Variants in GGT1 observed in about 807,000 individuals in gnomAD.
The protein encoded by GGT1 is gamma-glutamyltransferase 1, also known as glutathione hydrolase 1 proenzyme.
GGT1 carries 21 observed loss-of-function variants against 56.0 expected under a neutral mutation model. The ratio of observed to expected loss-of-function variants is 0.38; its 90% CI spans 0.27 to 0.54. The LOEUF (loss-of-function observed/expected upper bound fraction) is 0.54. Ranked by LOEUF, GGT1 falls within the 20% of genes least tolerant of loss-of-function variation. The probability of loss-of-function intolerance (pLI) is 0.82; values close to 1 mark genes in which losing one functional copy is unlikely to be tolerated. For missense variants in GGT1, 466 were observed against 787.0 expected (o/e 0.59, Z 4.88); for synonymous variants, 238 against 342.6 (o/e 0.69, Z 3.37).
In GGT1 at chr22:24,624,248, G is replaced by C. The variant is rs574767389; in HGVS notation, c.1020+332G>C. 4.4e-4 allele frequency: 426 copies of C among 965,484 alleles called. 1 individual carries two copies. Among genetic ancestry groups the C allele is most frequent in the Non-Finnish European group, 5.1e-4 (418 of 813,336 alleles). The allele number at this position is 965,484 out of a possible 1,614,324, so 59.8% of individuals were successfully genotyped here. ...CATGGTGAGATGGATGGGTGAAAGG[G>C]AGAGGGCCAGGTGAACAGAGACCTT... is the stretch of plus-strand genomic sequence containing the variant. On this transcript the variant is annotated intron_variant, in intron 11 of 15. Transcript: ENST00000400382.
At chr22:24,584,706 T>C in the GGT1 span, among the ~76,000 whole-genome samples, 4 of 151,874 alleles carry the variant, frequency 2.6e-5, no homozygotes, top group African/African-American at 9.7e-5. Flanking sequence ...GAGTCTTTCC[T>C]CATCTAGCAG....
intron 11 of GGT1, 50 bp from the exon 12 acceptor site, chr22:24,627,377 CCCCCT>C: frequency 1.2e-6 from 1 of 812,778 alleles, no homozygotes; most frequent in Non-Finnish European, 2.0e-6. Context: ...GAGACCTGTG[CCCCCT>C]CCCCACCCTC....
intron 7 of GGT1, among the ~76,000 whole-genome samples, chr22:24,616,699 C>A (rs544971497): frequency 2.0e-5 from 3 of 151,732 alleles, no homozygotes; most frequent in Non-Finnish European, 4.4e-5. Context: ...CGCCTGCCAC[C>A]ACGCCCAGCT....
upstream of GGT1, among the ~76,000 whole-genome samples, chr22:24,594,134 G>A (rs544166194): frequency 9.0e-4 from 137 of 152,312 alleles, 1 homozygote; most frequent in Non-Finnish European, 1.3e-3. Context: ...AGCTCAAGGT[G>A]TATCCCACTT....
Position 24,605,906 on chromosome 22 carries a change from ATAT to A in GGT1, c.-428-2044_-428-2042del, listed in dbSNP as rs1190304868. ...TATGATGTGTATTATATATTATATA[ATAT>A]TATATGATGTGTATTATATATTATA... On this transcript the variant is annotated intron_variant, in intron 1 of 15. Coordinates refer to ENST00000400382, the MANE Select transcript of GGT1 (RefSeq NM_001288833.2). Among the ~76,000 whole-genome samples the A allele has an allele frequency of 6.3e-4, 52 of 82,486 alleles. 7 individuals are homozygous for A. Among genetic ancestry groups the A allele is most frequent in the South Asian group, 9.5e-4 (3 of 3,152 alleles). 54.1% of individuals were successfully genotyped at this position (82,486 alleles called of 152,430 possible).
rs761335066 is a variant in GGT1 at position 24,628,085 on chromosome 22, G to A, written c.1341G>A (p.Lys447=). The stretch of plus-strand genomic sequence containing the variant: ...GTCTTCTCCCATCGGCCGCAGGGAA[G>A]CAGCCGCTCTCGTCCATGTGCCCGA... ...PSPANFIQPG[K]QPLSSMCPTI... Residue 447 remains lysine, a synonymous_variant, in exon 14 of 16, where the codon AAG becomes AAA. Transcript: ENST00000400382. This position sits in a 1 kb window ranked among gnomAD's most constrained non-coding sequence, Gnocchi z 5.7. The A allele has an allele frequency of 1.9e-6, 3 of 1,611,908 alleles. No individual in the cohort carries two copies. Among genetic ancestry groups the A allele is most frequent in the East Asian group, 4.5e-5 (2 of 44,864 alleles).
the GGT1 span, chr22:24,589,810 G>T: frequency 4.4e-6 from 7 of 1,609,082 alleles, no homozygotes; most frequent in South Asian, 6.7e-5. Context: ...GCCCGTGCCT[G>T]CCAGCCTCAC....
chr22:24,593,858 A>G (rs1025387299), upstream of GGT1, among the ~76,000 whole-genome samples: 3 of 151,908 alleles, frequency 2.0e-5, no homozygotes, highest in Non-Finnish European at 4.4e-5. Context: ...CTCACGCTAC[A>G]TGGACACTCC....
At chr22:24,592,895 G>T (rs1362022895), upstream of GGT1, 9 of 1,280,460 alleles carry the variant, frequency 7.0e-6, no homozygotes, top group Non-Finnish European at 7.9e-6. Context: ...TGCCGGGCGC[G>T]CTCCGGCCGC....
the GGT1 span, among the ~76,000 whole-genome samples, chr22:24,584,841 T>C: frequency 6.6e-6 from 1 of 151,968 alleles, no homozygotes; most frequent in East Asian, 1.9e-4. Context: ...CTGGTTGGGC[T>C]GAACTGTAAC....
intron 1 of GGT1, among the ~76,000 whole-genome samples, chr22:24,606,526 T>C (rs1234174873): frequency 6.6e-6 from 1 of 152,240 alleles, no homozygotes; most frequent in Non-Finnish European, 1.5e-5. Flanking sequence ...CCCCTGATGT[T>C]CCTGTTGGCT....
chr22:24,627,462 G>T lies in GGT1; in HGVS notation c.1051G>T (p.Ala351Ser), dbSNP rs754122506. 6.2e-7 allele frequency: 1 copy of T among 1,607,578 alleles called. No homozygotes were observed. The highest frequency in any genetic ancestry group is 1.4e-5 in the African/African-American group (1 of 74,026). The change falls in exon 12 of 16, where the codon GCT (alanine) becomes TCT (serine). Residue 351 changes from alanine (A) to serine (S), a missense_variant. Coordinates refer to ENST00000400382, the MANE Select transcript of GGT1 (RefSeq NM_001288833.2). ...VVRNMTSEFF[A>S]AQLRAQISDD... Reference sequence around the variant, plus strand: ...CCGCAACATGACCTCCGAGTTCTTCGCTGCCCAGCTCCGGGCCCAGATCTC... The same window carrying T: ...CCGCAACATGACCTCCGAGTTCTTCTCTGCCCAGCTCCGGGCCCAGATCTC...
Position 24,615,037 on chromosome 22 carries a change from C to G in GGT1, c.296-4C>G. ...CGGGCCTGCCTACCTGCTTCTCCTT[C>G]TAGGAAAAGCTGAGGTCATCAACGC... On this transcript the variant is annotated splice_region_variant and splice_polypyrimidine_tract_variant and intron_variant, in intron 6 of 15. Coordinates refer to ENST00000400382, the MANE Select transcript of GGT1 (RefSeq NM_001288833.2). The G allele has an allele frequency of 6.2e-7, 1 of 1,610,894 alleles. No homozygotes were observed. The highest frequency in any genetic ancestry group is 8.5e-7 in the Non-Finnish European group (1 of 1,178,542).
rs1208690132 is a variant in GGT1, at chr22:24,611,179, C to T, written c.98C>T (p.Pro33Leu). 8.8e-6 allele frequency: 14 copies of T among 1,593,966 alleles called. No homozygotes were observed. The highest frequency in any genetic ancestry group is 1.2e-5 in the Non-Finnish European group (14 of 1,170,718). The stretch of plus-strand genomic sequence containing the variant: ...TGGCTGCCCTCAGCCTCCAAGGAAC[C>T]TGACAACCATGTGTACACCAGGGCT... ...CLWLPSASKE[P>L]DNHVYTRAAV... Residue 33 changes from proline to leucine, a missense_variant, in exon 5 of 16, where the codon CCT (proline) becomes CTT (leucine). Around this residue, in one of 2 missense-constraint regions of GGT1, gnomAD observed 456 missense variants for 716.7 expected, o/e 0.64. Transcript: ENST00000400382.
At chr22:24,596,263 A>C (rs1196575823) in intron 1 of GGT1, among the ~76,000 whole-genome samples, 1 of 152,240 alleles carries the variant, frequency 6.6e-6, no homozygotes, top group Non-Finnish European at 1.5e-5. Flanking sequence ...AAAGCAACAG[A>C]ATAGTTCTGG....
upstream of GGT1, among the ~76,000 whole-genome samples, chr22:24,599,745 A>G (rs1308695968): frequency 1.1e-4 from 16 of 152,188 alleles, 1 homozygote. Context: ...CAGACTCGTC[A>G]GTGAGAGCAT....
chr22:24,611,559 T>TATC (rs1422223514), intron 5 of GGT1, among the ~76,000 whole-genome samples: 9 of 129,112 alleles, frequency 7.0e-5, no homozygotes, highest in African/African-American at 2.4e-4. Context: ...TCTATCTATC[T>TATC]ATCTATCTAT....
chr22:24,620,908 C>T lies in GGT1; in HGVS notation c.576-5C>T. 1 of 1,611,816 alleles carries T rather than the reference C, an allele frequency of 6.2e-7. No individual in the cohort carries two copies. The highest frequency in any genetic ancestry group is 8.5e-7 in the Non-Finnish European group (1 of 1,179,768). On this transcript the variant is annotated splice_polypyrimidine_tract_variant and splice_region_variant and intron_variant, in intron 8 of 15. Transcript: ENST00000400382. The surrounding 1 kb of genome is among the most constrained non-coding windows in gnomAD (Gnocchi z 5.6). ...GCTGCCTCACATGAGCCCCCTCTGC[C>T]CCAGTGAGGTGTTCTGCCGGGATAG...
intron 9 of GGT1, among the ~76,000 whole-genome samples, chr22:24,621,682 C>A (rs1220243887): frequency 6.6e-6 from 1 of 152,160 alleles, no homozygotes; most frequent in Admixed American, 6.5e-5. Context: ...AATTAAGAGC[C>A]TCCCTCCTCT....
Sources: allele counts gnomAD v4.1 joint callset (sites outside exome capture counted in the v4.1 genomes callset), GRCh38; gene constraint gnomAD v4.1.1; regional missense constraint gnomAD v4.1.1; non-coding constraint Gnocchi (gnomAD v3.1); transcripts MANE v1.5; gene names NCBI Gene and HGNC (gene_info 2026-07-23, HGNC 2026-07-21).